The following NLRP5 variants were observed in gnomAD, a reference collection of about 807,000 sequenced individuals.
The protein encoded by NLRP5 is NACHT, LRR and PYD domains-containing protein 5.
NLRP5 carries 93 observed loss-of-function variants against 113.1 expected under a neutral mutation model. That is an observed-to-expected ratio of 0.82 (90% confidence interval 0.70 to 0.98). NLRP5 has a LOEUF of 0.98. NLRP5 is among the 50% of genes least tolerant of loss of function. The pLI is 0.00. For synonymous variants in NLRP5, 751 were observed against 600.7 expected (o/e 1.25, Z -3.66); for missense variants, 1,808 against 1,514.3 (o/e 1.19, Z -3.22).
chr19:56,044,278 G>A (rs1471098887), intron 11 of NLRP5, among the ~76,000 whole-genome samples: 1 of 151,460 alleles, frequency 6.6e-6, no homozygotes, highest in South Asian at 2.1e-4. Context: ...TAGCCAGGCT[G>A]GTCTCGAACT....
In NLRP5 at chr19:56,006,817, G is replaced by A. The variant is rs183217669; in HGVS notation, c.443-1971G>A. Among the ~76,000 whole-genome samples, 35 of 151,758 alleles carry A rather than the reference G, an allele frequency of 2.3e-4. No individual in the cohort carries two copies. In the East Asian group the frequency reaches 4.5e-3, roughly 19 times the overall value. On this transcript the variant is annotated intron_variant, in intron 2 of 14. Transcript: ENST00000390649. ...TGCAGTGGCGCAATCTCGGCTCACC[G>A]CAAGCTCCGCCTTCCGGGTTCATGC...
At chr19:56,058,847 G>A (rs12459006) in intron 14 of NLRP5, among the ~76,000 whole-genome samples, 20,868 of 152,184 alleles carry the variant, frequency 0.14, 1,625 homozygotes, top group East Asian at 0.31. Flanking sequence ...GAAAGGATAA[G>A]CAGAATGTGG....
chr19:56,014,198 C>T (rs1043022687), intron 3 of NLRP5, among the ~76,000 whole-genome samples: 1 of 151,888 alleles, frequency 6.6e-6, no homozygotes, highest in Non-Finnish European at 1.5e-5. Context: ...ATTGTTTAAC[C>T]CAGCTGGGTA....
At chr19:56,045,554 C>T (rs10421588) in intron 11 of NLRP5, among the ~76,000 whole-genome samples, 16,899 of 151,976 alleles carry the variant, frequency 0.11, 1,060 homozygotes, top group African/African-American at 0.17. Context: ...AATGCTATCC[C>T]TCCTCCGACC....
intron 13 of NLRP5, among the ~76,000 whole-genome samples, chr19:56,055,756 A>G (rs370274337): frequency 2.7e-4 from 41 of 151,650 alleles, no homozygotes; most frequent in South Asian, 6.3e-4. Flanking sequence ...CGTGTTAGCC[A>G]GGATGGTCTC....
chr19:56,043,481 C>T (rs1471888498), intron 11 of NLRP5, among the ~76,000 whole-genome samples: 1 of 146,312 alleles, frequency 6.8e-6, no homozygotes, highest in African/African-American at 2.5e-5. Context: ...TCGTTGTAGA[C>T]TCGACTCTAG....
At chr19:56,013,959 T>C (rs778609632) in intron 3 of NLRP5, among the ~76,000 whole-genome samples, 2 of 152,134 alleles carry the variant, frequency 1.3e-5, no homozygotes, top group African/African-American at 4.8e-5. Flanking sequence ...TTTAGAGAAA[T>C]GTATATTCAA....
chr19:56,049,082 A>G (rs1478617206), intron 11 of NLRP5, among the ~76,000 whole-genome samples: 8 of 148,426 alleles, frequency 5.4e-5, no homozygotes, highest in Non-Finnish European at 1.0e-4. Flanking sequence ...CCTGGACTCA[A>G]GCAATTCTCC....
At chr19:56,033,115 G>T (rs922471280) in intron 8 of NLRP5, among the ~76,000 whole-genome samples, 1 of 152,124 alleles carries the variant, frequency 6.6e-6, no homozygotes, top group Non-Finnish European at 1.5e-5. Context: ...GCAGGGCATG[G>T]TGGTACGTGC....
chr19:56,032,862 T>A (rs1364166394), intron 8 of NLRP5, 81 bp downstream of exon 8: 2 of 1,394,326 alleles, frequency 1.4e-6, no homozygotes, highest in Non-Finnish European at 2.0e-6. Context: ...GAGACCCATC[T>A]GAAGCCTTTC....
the NLRP5 span, chr19:55,987,762 C>T: frequency 2.2e-6 from 3 of 1,346,486 alleles, no homozygotes; most frequent in South Asian, 2.3e-5. Flanking sequence ...AGGGAAGTCA[C>T]TCATCCTCAG....
Position 56,027,307 on chromosome 19 carries a change from G to C in NLRP5, c.1074G>C (p.Leu358Phe). ...TCATGTCCCGACCAGAAAGGCTGTTGTTCATCATTGACGGTTTCGATGACC... is the reference window on the plus strand; with the variant it reads ...TCATGTCCCGACCAGAAAGGCTGTTCTTCATCATTGACGGTTTCGATGACC... The change falls in exon 7 of 15, where the codon TTG (leucine) becomes TTC (phenylalanine). Residue 358 changes from leucine to phenylalanine, a missense_variant. Transcript: ENST00000390649. 2 of 1,612,246 alleles carry C rather than the reference G, an allele frequency of 1.2e-6. No homozygotes were observed. The highest frequency in any genetic ancestry group is 2.2e-5 in the East Asian group (1 of 44,880).
At chr19:56,039,838 C>G (rs527652820) in intron 10 of NLRP5, among the ~76,000 whole-genome samples, 1 of 152,034 alleles carries the variant, frequency 6.6e-6, no homozygotes. Context: ...CACTTAAACC[C>G]GGGAGGCGTA....
intron 7 of NLRP5, among the ~76,000 whole-genome samples, chr19:56,030,990 G>C (rs543353720): frequency 3.3e-5 from 5 of 152,022 alleles, no homozygotes; most frequent in African/African-American, 1.2e-4. Flanking sequence ...GGGATGACAG[G>C]CGTGAGCGAC....
chr19:56,035,307 T>C (rs1983270139), intron 9 of NLRP5, among the ~76,000 whole-genome samples: 1 of 152,254 alleles, frequency 6.6e-6, no homozygotes, highest in African/African-American at 2.4e-5. Flanking sequence ...ATTTGCTTTG[T>C]ACCATGTGGT....
chr19:56,034,354 C>G (rs983647033), intron 9 of NLRP5, among the ~76,000 whole-genome samples: 6 of 152,166 alleles, frequency 3.9e-5, no homozygotes, highest in Non-Finnish European at 8.8e-5. Context: ...CCACTGCACT[C>G]CAGCCTGGGC....
At chr19:55,994,228 C>T in the NLRP5 span, among the ~76,000 whole-genome samples, 57 of 152,146 alleles carry the variant, frequency 3.7e-4, no homozygotes, top group African/African-American at 1.1e-3. Context: ...AATCTTTTTT[C>T]GTATCTGTTG....
rs749204736 is a variant in NLRP5 at position 56,041,073 on chromosome 19, T to G, written c.2938T>G (p.Cys980Gly). 4.3e-6 allele frequency: 7 copies of G among 1,613,856 alleles called. No homozygotes were observed. The highest frequency in any genetic ancestry group is 5.1e-6 in the Non-Finnish European group (6 of 1,179,868). The change falls in exon 11 of 15, where the codon TGT (cysteine) becomes GGT (glycine). Residue 980 changes from cysteine to glycine, a missense_variant. By Grantham distance (159) the Cys-to-Gly change is radical. Transcript: ENST00000390649. ...GTGTCGATCCATGAGGCTTCCCCACTGTAGTCTGCAGAGGCTGATGTGAGT... is the reference window on the plus strand; with the variant it reads ...GTGTCGATCCATGAGGCTTCCCCACGGTAGTCTGCAGAGGCTGATGTGAGT...
At chr19:56,001,331 AAAAACAAAC>A (rs1326975962) in intron 1 of NLRP5, among the ~76,000 whole-genome samples, 5 of 137,182 alleles carry the variant, frequency 3.6e-5, no homozygotes, top group Non-Finnish European at 7.7e-5. Flanking sequence ...ATTTAAAAAA[AAAAACAAAC>A]AAAAAACACC....
Sources: allele counts gnomAD v4.1 joint callset (sites outside exome capture counted in the v4.1 genomes callset), GRCh38; gene constraint gnomAD v4.1.1; transcripts MANE v1.5; gene names NCBI Gene and HGNC (gene_info 2026-07-23, HGNC 2026-07-21).